The following STARD3NL variants were observed in gnomAD, a reference collection of about 807,000 sequenced individuals.
STARD3NL encodes STARD3 N-terminal-like protein.
Under a neutral mutation model 30.9 loss-of-function variants are expected in STARD3NL, and 17 were observed. The ratio of observed to expected loss-of-function variants is 0.55; its 90% CI spans 0.38 to 0.82. The LOEUF is 0.82. STARD3NL is among the 40% of genes least tolerant of loss of function. STARD3NL has a pLI of 0.00. For synonymous variants in STARD3NL, 112 were observed against 100.5 expected (o/e 1.11, Z -0.69); for missense variants, 234 against 277.6 (o/e 0.84, Z 1.12).
chr7:38,197,494 T>A (rs1268751522), intron 1 of STARD3NL, among the ~76,000 whole-genome samples: 1 of 152,204 alleles, frequency 6.6e-6, no homozygotes, highest in Non-Finnish European at 1.5e-5. Flanking sequence ...TGAGCCACTG[T>A]GCCCAGCCAC....
chr7:38,207,142 AG>A (rs1156343044), intron 1 of STARD3NL, among the ~76,000 whole-genome samples: 1 of 152,164 alleles, frequency 6.6e-6, no homozygotes, highest in African/African-American at 2.4e-5. Flanking sequence ...GTTCACCAAG[AG>A]GTTTGGTCCA....
At chr7:38,196,862 CCT>C (rs1784920108) in intron 1 of STARD3NL, among the ~76,000 whole-genome samples, 1 of 152,050 alleles carries the variant, frequency 6.6e-6, no homozygotes, top group South Asian at 2.1e-4. Flanking sequence ...ATTTTAAACC[CCT>C]GTTTTTTTCT....
At chr7:38,225,367 C>G (rs1322536292) in intron 7 of STARD3NL, among the ~76,000 whole-genome samples, 1 of 152,024 alleles carries the variant, frequency 6.6e-6, no homozygotes, top group African/African-American at 2.4e-5. Flanking sequence ...TGAATTTGTT[C>G]TCTTATGGAT....
rs991022552 is a variant in STARD3NL, at chr7:38,230,422, T to G, written c.*517T>G. On this transcript the variant is annotated 3_prime_UTR_variant, in exon 9 of 9. Transcript: ENST00000009041. ...ATCTGACATGTCAATGTGGCTAGTT[T>G]TATTTTTCTTGTTTTGCATTATGTG... 1.3e-5 allele frequency: 2 copies of G among 152,660 alleles called. No homozygotes were observed. Among genetic ancestry groups the G allele is most frequent in the Non-Finnish European group, 2.9e-5 (2 of 68,036 alleles). 9.5% of individuals were successfully genotyped at this position (152,660 alleles called of 1,614,324 possible).
intron 6 of STARD3NL, among the ~76,000 whole-genome samples, chr7:38,218,654 A>G (rs1355965365): frequency 2.6e-5 from 4 of 152,206 alleles, no homozygotes; most frequent in Non-Finnish European, 4.4e-5. Context: ...AGCATGTATG[A>G]CACACATACC....
chr7:38,228,033 A>G (rs1169343627), intron 7 of STARD3NL, among the ~76,000 whole-genome samples: 1 of 152,190 alleles, frequency 6.6e-6, no homozygotes, highest in Non-Finnish European at 1.5e-5. Flanking sequence ...TAATTTTATC[A>G]AATGTGATCT....
chr7:38,228,334 A>G (rs1786900208), intron 7 of STARD3NL, among the ~76,000 whole-genome samples: 1 of 152,212 alleles, frequency 6.6e-6, no homozygotes, highest in Non-Finnish European at 1.5e-5. Flanking sequence ...CCTGAAGCTC[A>G]TGAGACATTG....
intron 7 of STARD3NL, among the ~76,000 whole-genome samples, chr7:38,227,045 T>C (rs1389139680): frequency 1.3e-5 from 2 of 152,242 alleles, no homozygotes; most frequent in Non-Finnish European, 2.9e-5. Flanking sequence ...TGGCTAGTTT[T>C]GCCCATTTTG....
chr7:38,214,497 T>C lies in STARD3NL; in HGVS notation c.303+63T>C, dbSNP rs892403552. Reference sequence around the variant, plus strand: ...ACTGACCCAAAAGGCAGATTTCCTCTAAATAGACTTCAAATTCCATGCCCT... The same window carrying C: ...ACTGACCCAAAAGGCAGATTTCCTCCAAATAGACTTCAAATTCCATGCCCT... On this transcript the variant is annotated intron_variant, in intron 3 of 8. Coordinates refer to ENST00000009041, the MANE Select transcript of STARD3NL (RefSeq NM_032016.4). The C allele has an allele frequency of 1.1e-5, 11 of 1,022,628 alleles. No individual in the cohort carries two copies. In the African/African-American group the frequency reaches 1.3e-4, roughly 12 times the overall value. The allele number at this position is 1,022,628 out of a possible 1,614,324, so 63.3% of individuals were successfully genotyped here.
At chr7:38,185,069 G>A (rs747659786) in intron 1 of STARD3NL, among the ~76,000 whole-genome samples, 1 of 151,842 alleles carries the variant, frequency 6.6e-6, no homozygotes, top group Admixed American at 6.6e-5. Context: ...GAATATTTTA[G>A]CCTGTAGTTG....
intron 1 of STARD3NL, among the ~76,000 whole-genome samples, chr7:38,193,468 T>C (rs1470182668): frequency 1.3e-5 from 2 of 152,126 alleles, no homozygotes; most frequent in African/African-American, 4.8e-5. Context: ...CCGGCTAATT[T>C]TTTGTATTTT....
chr7:38,220,973 G>T (rs970078932), intron 7 of STARD3NL, among the ~76,000 whole-genome samples: 35 of 145,168 alleles, frequency 2.4e-4, no homozygotes, highest in Non-Finnish European at 3.1e-5. Context: ...GAAAAGAAAA[G>T]AATAGAATTC....
At chr7:38,199,140 C>T (rs755852857) in intron 1 of STARD3NL, among the ~76,000 whole-genome samples, 5 of 152,196 alleles carry the variant, frequency 3.3e-5, no homozygotes, top group Non-Finnish European at 5.9e-5. Flanking sequence ...TCTTCACTCC[C>T]ATACTTCCCA....
At chr7:38,219,712 C>T in intron 7 of STARD3NL, 52 bp downstream of exon 7, 1 of 1,454,938 alleles carries the variant, frequency 6.9e-7, no homozygotes, top group Non-Finnish European at 9.6e-7. Context: ...AAAGGCTCTG[C>T]TCTTCCTTCC....
At chr7:38,222,204 C>T (rs1786510595) in intron 7 of STARD3NL, among the ~76,000 whole-genome samples, 1 of 148,876 alleles carries the variant, frequency 6.7e-6, no homozygotes. Context: ...AAAGGGATTC[C>T]AGACAGAAAG....
At chr7:38,220,378 C>T (rs1455803637) in intron 7 of STARD3NL, among the ~76,000 whole-genome samples, 1 of 152,174 alleles carries the variant, frequency 6.6e-6, no homozygotes, top group Non-Finnish European at 1.5e-5. Context: ...ATAAAAGATG[C>T]TTAACATCAC....
At chr7:38,226,268 A>G (rs1786764077) in intron 7 of STARD3NL, among the ~76,000 whole-genome samples, 2 of 151,134 alleles carry the variant, frequency 1.3e-5, no homozygotes, top group Admixed American at 6.6e-5. Context: ...GTAAAGAGCT[A>G]TATCTTTATA....
In STARD3NL at chr7:38,214,422, T is replaced by C; in HGVS notation, c.291T>C (p.Tyr97=). The C allele has an allele frequency of 6.3e-7, 1 of 1,589,706 alleles. No homozygotes were observed. Among genetic ancestry groups the C allele is most frequent in the Non-Finnish European group, 8.6e-7 (1 of 1,160,646 alleles). ...TGCAGTATGACTACTATTCTTCATA[T>C]TTTGATATATTTGTAAGTATTTTTT... is the stretch of plus-strand genomic sequence containing the variant. ...EVMQYDYYSS[Y]FDIFLLAVFR... The change falls in exon 3 of 9, where the codon TAT becomes TAC. Residue 97 remains tyrosine (Y), a synonymous_variant. Transcript: ENST00000009041.
intron 7 of STARD3NL, 58 bp downstream of exon 7, chr7:38,219,718 C>A: frequency 2.2e-6 from 3 of 1,379,562 alleles, no homozygotes; most frequent in Non-Finnish European, 3.1e-6. Flanking sequence ...TCTGCTCTTC[C>A]TTCCTTTCCC....
Sources: gnomAD v4.1 joint callset for allele counts (sites outside exome capture counted in the v4.1 genomes callset) on GRCh38, gnomAD v4.1.1 for gene constraint, MANE v1.5 for transcripts, NCBI Gene and HGNC (gene_info 2026-07-23, HGNC 2026-07-21) for gene names.